SLC9A9: variants seen among roughly 807,000 people sequenced by gnomAD.
SLC9A9 encodes sodium/hydrogen exchanger 9.
In SLC9A9, 62 loss-of-function variants were observed where a neutral mutation model predicts 77.8. The observed-to-expected ratio is 0.80, with a 90% CI of 0.65 to 0.98. The LOEUF (loss-of-function observed/expected upper bound fraction) is 0.98. Ranked by LOEUF, SLC9A9 falls within the 50% of genes least tolerant of loss-of-function variation. SLC9A9 has a pLI of 0.00. For missense variants in SLC9A9, 775 were observed against 774.9 expected, an observed-to-expected ratio of 1.00 and a Z score of 0.00; for synonymous variants, 320 against 283.5, an observed-to-expected ratio of 1.13 and a Z score of -1.29.
At chr3:143,329,348 G>T (rs192736870) in intron 14 of SLC9A9, among the ~76,000 whole-genome samples, 2 of 152,312 alleles carry the variant, frequency 1.3e-5, no homozygotes, top group Admixed American at 6.5e-5. Context: ...AGAGTACTTA[G>T]TAGAACAACA....
At chr3:143,345,153 G>C (rs1044862275) in intron 14 of SLC9A9, among the ~76,000 whole-genome samples, 1 of 152,194 alleles carries the variant, frequency 6.6e-6, no homozygotes, top group African/African-American at 2.4e-5. Flanking sequence ...TATCAAATAA[G>C]TTCCATCTAT....
chr3:143,817,133 A>AT (rs530897837), intron 2 of SLC9A9, among the ~76,000 whole-genome samples: 49 of 131,554 alleles, frequency 3.7e-4, no homozygotes, highest in African/African-American at 1.3e-3. Context: ...GCAAAAGTTT[A>AT]TTTTTTTTTT....
At chr3:143,303,552 G>A (rs1200671895) in intron 14 of SLC9A9, among the ~76,000 whole-genome samples, 1 of 152,114 alleles carries the variant, frequency 6.6e-6, no homozygotes, top group African/African-American at 2.4e-5. Context: ...AGGTAGGAAG[G>A]GCCAGGTGTC....
At chr3:143,701,458 T>C (rs9845046) in intron 4 of SLC9A9, among the ~76,000 whole-genome samples, 21,192 of 152,024 alleles carry the variant, frequency 0.14, 1,669 homozygotes, top group African/African-American at 0.19. Context: ...AATGAAGAGA[T>C]TGAAATAATT....
chr3:143,389,871 G>A (rs1367653797), intron 12 of SLC9A9, among the ~76,000 whole-genome samples: 2 of 152,164 alleles, frequency 1.3e-5, no homozygotes, highest in African/African-American at 2.4e-5. Flanking sequence ...GGGTTAGAGG[G>A]AGAAGGAAGA....
At chr3:143,522,755 A>G (rs921555347) in intron 9 of SLC9A9, among the ~76,000 whole-genome samples, 1 of 152,176 alleles carries the variant, frequency 6.6e-6, no homozygotes, top group African/African-American at 2.4e-5. Flanking sequence ...ATCTACCTAT[A>G]CTAAGACAAC....
intron 14 of SLC9A9, among the ~76,000 whole-genome samples, chr3:143,303,158 T>C (rs2108429996): frequency 6.6e-6 from 1 of 152,286 alleles, no homozygotes; most frequent in East Asian, 1.9e-4. Context: ...ACAGCCTTTG[T>C]ACAAATTAGA....
intron 12 of SLC9A9, among the ~76,000 whole-genome samples, chr3:143,431,995 T>A (rs2034526377): frequency 6.6e-6 from 1 of 152,194 alleles, no homozygotes; most frequent in Non-Finnish European, 1.5e-5. Flanking sequence ...GACTACCTAA[T>A]TCAAATCACA....
chr3:143,446,821 A>G (rs777265543), intron 12 of SLC9A9, among the ~76,000 whole-genome samples: 11 of 152,168 alleles, frequency 7.2e-5, no homozygotes, highest in Non-Finnish European at 1.3e-4. Context: ...GTGGTGTGGC[A>G]CATTTGGGGG....
chr3:143,769,653 A>T (rs1017956667), intron 4 of SLC9A9, among the ~76,000 whole-genome samples: 3 of 152,214 alleles, frequency 2.0e-5, no homozygotes, highest in Admixed American at 2.0e-4. Flanking sequence ...TAAAAAGTCC[A>T]TACAAAAATA....
At chr3:143,807,385 G>A (rs1334474360) in intron 2 of SLC9A9, among the ~76,000 whole-genome samples, 1 of 152,230 alleles carries the variant, frequency 6.6e-6, no homozygotes, top group Non-Finnish European at 1.5e-5. Flanking sequence ...CAAAAGAAAT[G>A]GTGGAGTGGG....
At chr3:143,504,124 T>C in intron 9 of SLC9A9, 1 of 471,930 alleles carries the variant, frequency 2.1e-6, no homozygotes, top group Non-Finnish European at 4.2e-6. Context: ...ATGGGTGGAA[T>C]CATACTGAAA....
At chr3:143,376,288 T>C (rs1288530283) in intron 13 of SLC9A9, among the ~76,000 whole-genome samples, 1 of 152,224 alleles carries the variant, frequency 6.6e-6, no homozygotes, top group African/African-American at 2.4e-5. Flanking sequence ...ATTACTCAAA[T>C]GTTAACTGAC....
chr3:143,463,651 C>T (rs1348885323), intron 12 of SLC9A9, among the ~76,000 whole-genome samples: 1 of 152,122 alleles, frequency 6.6e-6, no homozygotes, highest in African/African-American at 2.4e-5. Flanking sequence ...TACATGAAAA[C>T]CTCCAAAATA....
chr3:143,670,688 G>A (rs531303701), intron 5 of SLC9A9, among the ~76,000 whole-genome samples: 4 of 152,138 alleles, frequency 2.6e-5, no homozygotes, highest in African/African-American at 7.2e-5. Flanking sequence ...CCACCAGGTG[G>A]TACTCTGTGT....
intron 9 of SLC9A9, among the ~76,000 whole-genome samples, chr3:143,498,918 A>G (rs1022221366): frequency 2.6e-5 from 4 of 152,204 alleles, no homozygotes; most frequent in African/African-American, 4.8e-5. Flanking sequence ...ATGTATTACA[A>G]GGTACTTATT....
chr3:143,583,032 A>T (rs2037482384), intron 6 of SLC9A9, among the ~76,000 whole-genome samples: 1 of 152,172 alleles, frequency 6.6e-6, no homozygotes, highest in African/African-American at 2.4e-5. Flanking sequence ...ACTTGCCTGT[A>T]GTCCCGGCTA....
chr3:143,581,117 G>A (rs957365808), intron 6 of SLC9A9, among the ~76,000 whole-genome samples: 20 of 152,214 alleles, frequency 1.3e-4, no homozygotes, highest in Admixed American at 3.3e-4. Flanking sequence ...AAGGGGAAAA[G>A]GGGTACTATT....
At chr3:143,558,306 GT>G (rs2037023098) in intron 8 of SLC9A9, among the ~76,000 whole-genome samples, 1 of 152,154 alleles carries the variant, frequency 6.6e-6, no homozygotes, top group Non-Finnish European at 1.5e-5. Context: ...AACCCACACA[GT>G]CTCCACTAGG....
Sources: allele counts gnomAD v4.1 joint callset (sites outside exome capture counted in the v4.1 genomes callset), GRCh38; gene constraint gnomAD v4.1.1; transcripts MANE v1.5; gene names NCBI Gene and HGNC (gene_info 2026-07-23, HGNC 2026-07-21).